MAML2: variants seen among roughly 807,000 people sequenced by gnomAD.
MAML2 encodes mastermind-like protein 2.
A neutral mutation model predicts 96.1 loss-of-function variants in MAML2; 22 were observed. The observed-to-expected ratio is 0.23, with a 90% CI of 0.16 to 0.33. The LOEUF is 0.33. MAML2 is among the 10% of genes least tolerant of loss of function. The pLI, the probability that MAML2 is intolerant of heterozygous loss-of-function variation, is 1.00. For synonymous variants in MAML2, 561 were observed against 521.3 expected (o/e 1.08, Z -1.04); for missense variants, 1,367 against 1,392.4 (o/e 0.98, Z 0.29).
intron 1 of MAML2, among the ~76,000 whole-genome samples, chr11:96,167,040 G>A (rs938747407): frequency 1.4e-4 from 21 of 152,116 alleles, no homozygotes; most frequent in Admixed American, 3.9e-4. Context: ...CTTAATAAAT[G>A]CCTGCTGGGA....
chr11:96,192,195 G>A (rs1591065035), intron 1 of MAML2, among the ~76,000 whole-genome samples: 1 of 152,174 alleles, frequency 6.6e-6, no homozygotes, highest in Non-Finnish European at 1.5e-5. Flanking sequence ...CTGGGAACCT[G>A]GGGCACTAAA....
intron 1 of MAML2, among the ~76,000 whole-genome samples, chr11:96,142,594 T>C (rs1860752587): frequency 6.6e-6 from 1 of 152,242 alleles, no homozygotes; most frequent in Admixed American, 6.5e-5. Flanking sequence ...GCAAACAGTA[T>C]TCTTTGCCCT....
chr11:96,329,167 T>A (rs1465487997), intron 1 of MAML2, among the ~76,000 whole-genome samples: 41 of 152,260 alleles, frequency 2.7e-4, no homozygotes, highest in Non-Finnish European at 7.4e-5. Flanking sequence ...ATTACAAGTG[T>A]AATTGAGAGG....
At chr11:96,123,023 C>G (rs1019063406) in intron 1 of MAML2, among the ~76,000 whole-genome samples, 10 of 152,252 alleles carry the variant, frequency 6.6e-5, no homozygotes, top group African/African-American at 2.4e-4. Flanking sequence ...CAAAACCATT[C>G]AATGCTGAGA....
chr11:96,180,939 G>T (rs1342372105), intron 1 of MAML2, among the ~76,000 whole-genome samples: 1 of 151,050 alleles, frequency 6.6e-6, no homozygotes, highest in African/African-American at 2.4e-5. Context: ...AGGAGTGGGG[G>T]TCACAAGGTG....
At chr11:96,291,160 T>C in intron 1 of MAML2, among the ~76,000 whole-genome samples, 1 of 139,524 alleles carries the variant, frequency 7.2e-6, no homozygotes, top group East Asian at 2.3e-4. Context: ...AGTTTCACTG[T>C]TGCTGCTCAC....
At chr11:96,112,569 C>G (rs1482649905) in intron 1 of MAML2, among the ~76,000 whole-genome samples, 1 of 152,228 alleles carries the variant, frequency 6.6e-6, no homozygotes, top group East Asian at 1.9e-4. Flanking sequence ...CTACGAAGTA[C>G]TAACAGGATA....
chr11:95,998,259 T>C (rs1858029160), intron 2 of MAML2, among the ~76,000 whole-genome samples: 1 of 151,950 alleles, frequency 6.6e-6, no homozygotes, highest in South Asian at 2.1e-4. Context: ...CAAAGTGCAC[T>C]TTCTTCTACC....
intron 2 of MAML2, among the ~76,000 whole-genome samples, chr11:96,061,510 G>T (rs1859158982): frequency 6.6e-6 from 1 of 152,070 alleles, no homozygotes; most frequent in Non-Finnish European, 1.5e-5. Flanking sequence ...TCCCTGTTAA[G>T]TGCATCAATT....
At chr11:96,060,940 A>C (rs1859149099) in intron 2 of MAML2, among the ~76,000 whole-genome samples, 1 of 152,206 alleles carries the variant, frequency 6.6e-6, no homozygotes, top group African/African-American at 2.4e-5. Context: ...ATGTCATAGA[A>C]AGAGAGACTG....
chr11:96,117,689 T>C (rs1860267719), intron 1 of MAML2, among the ~76,000 whole-genome samples: 2 of 152,112 alleles, frequency 1.3e-5, no homozygotes, highest in Admixed American at 1.3e-4. Context: ...ACCTTGACAA[T>C]ATACAATCTT....
intron 1 of MAML2, among the ~76,000 whole-genome samples, chr11:96,126,280 C>T (rs1262485720): frequency 3.3e-5 from 5 of 152,082 alleles, no homozygotes; most frequent in African/African-American, 7.2e-5. Context: ...CAGAGAGGCC[C>T]GGTTTGGTGG....
At chr11:96,339,804 C>A (rs115818767) in intron 1 of MAML2, among the ~76,000 whole-genome samples, 4 of 152,166 alleles carry the variant, frequency 2.6e-5, no homozygotes, top group African/African-American at 9.7e-5. Context: ...TCTTTACCCC[C>A]CTCCTTTACC....
intron 1 of MAML2, among the ~76,000 whole-genome samples, chr11:96,191,296 T>A (rs1019234265): frequency 6.6e-6 from 1 of 151,298 alleles, no homozygotes; most frequent in Non-Finnish European, 1.5e-5. Context: ...AAACCCCATC[T>A]CTACTAAAAA....
intron 1 of MAML2, among the ~76,000 whole-genome samples, chr11:96,304,848 G>C (rs1222707204): frequency 6.6e-6 from 1 of 152,170 alleles, no homozygotes; most frequent in African/African-American, 2.4e-5. Flanking sequence ...ACAACTAAAT[G>C]TGTTTATGCT....
intron 2 of MAML2, among the ~76,000 whole-genome samples, chr11:96,076,430 T>TCACACACA (rs1248476184): frequency 2.2e-5 from 3 of 136,444 alleles, no homozygotes; most frequent in Admixed American, 7.0e-5. Context: ...TCTCTCTCTC[T>TCACACACA]CTCACACACA....
At chr11:95,995,872 G>A (rs762963475) in intron 2 of MAML2, among the ~76,000 whole-genome samples, 13 of 152,134 alleles carry the variant, frequency 8.5e-5, no homozygotes, top group Non-Finnish European at 1.6e-4. Flanking sequence ...GGGAAGATAA[G>A]CTACACATAC....
intron 1 of MAML2, among the ~76,000 whole-genome samples, chr11:96,159,430 T>TTTTTTTTTTTTTTTA (rs1861067816): frequency 7.0e-6 from 1 of 142,744 alleles, no homozygotes; most frequent in African/African-American, 2.6e-5. Flanking sequence ...TTTTTTTTTT[T>TTTTTTTTTTTTTTTA]GAGACGGAGT....
At chr11:96,192,067 T>C (rs913784936) in intron 1 of MAML2, among the ~76,000 whole-genome samples, 3 of 152,172 alleles carry the variant, frequency 2.0e-5, no homozygotes, top group Non-Finnish European at 4.4e-5. Flanking sequence ...AGGTTACACG[T>C]CTGCAGTTTC....
Sources: allele counts gnomAD v4.1 joint callset (sites outside exome capture counted in the v4.1 genomes callset), GRCh38; gene constraint gnomAD v4.1.1; transcripts MANE v1.5; gene names NCBI Gene and HGNC (gene_info 2026-07-23, HGNC 2026-07-21).